The following VIPR2 variants were observed in gnomAD, a reference collection of about 807,000 sequenced individuals.
VIPR2 encodes the protein vasoactive intestinal polypeptide receptor 2.
In VIPR2, 48 loss-of-function variants were observed where a neutral mutation model predicts 58.0. The ratio of observed to expected loss-of-function variants is 0.83; its 90% CI spans 0.66 to 1.05. VIPR2 has a LOEUF of 1.05. Among genes scored for constraint, VIPR2 ranks in the 50% least tolerant of loss-of-function variants. VIPR2 has a pLI of 0.00. For missense variants in VIPR2, 534 were observed against 558.0 expected (o/e 0.96, Z 0.43); for synonymous variants, 243 against 235.2 (o/e 1.03, Z -0.30).
rs562899391 is a variant in VIPR2, at chr7:159,098,280, T to C, written c.357+5477A>G. Among the ~76,000 whole-genome samples the C allele has an allele frequency of 6.6e-6, 1 of 152,130 alleles. No individual in the cohort carries two copies. The highest frequency in any genetic ancestry group is 2.4e-5 in the African/African-American group (1 of 41,440). ...ACTTGGTGATCCCGAGCCCTCAGTC[T>C]GCTGGTGGTGGTGCTCGAGAACTGT... is the stretch of plus-strand genomic sequence containing the variant. On this transcript the variant is annotated intron_variant, in intron 4 of 12. Coordinates refer to ENST00000262178, the MANE Select transcript of VIPR2 (RefSeq NM_003382.5). The surrounding 1 kb of genome is among the most constrained non-coding windows in gnomAD (Gnocchi z 5.2).
chr7:159,038,067 TACTTATATATATGGGTGGATAC>T, intron 6 of VIPR2, among the ~76,000 whole-genome samples: 1 of 152,186 alleles, frequency 6.6e-6, no homozygotes, highest in Non-Finnish European at 1.5e-5. Context: ...TGGGTGGGTA[TACTTATATATATGGGTGGATAC>T]ACTTATATAT....
intron 4 of VIPR2, among the ~76,000 whole-genome samples, chr7:159,076,901 C>G (rs1268440464): frequency 6.6e-6 from 1 of 152,148 alleles, no homozygotes; most frequent in Non-Finnish European, 1.5e-5. Context: ...TAAGTTATCT[C>G]CATTTTACAA....
intron 2 of VIPR2, among the ~76,000 whole-genome samples, chr7:159,138,799 C>T (rs911646133): frequency 3.9e-5 from 6 of 152,174 alleles, no homozygotes; most frequent in Non-Finnish European, 1.5e-5. Context: ...AGACATTTCC[C>T]ATTATATACA....
intron 4 of VIPR2, among the ~76,000 whole-genome samples, chr7:159,078,055 C>T (rs936626783): frequency 3.9e-5 from 6 of 152,232 alleles, no homozygotes; most frequent in Non-Finnish European, 5.9e-5. Context: ...ACAGTTCATG[C>T]ATGGACAACA....
chr7:159,109,743 G>T, intron 3 of VIPR2, 69 bp downstream of exon 3: 1 of 1,433,384 alleles, frequency 7.0e-7, no homozygotes, highest in Non-Finnish European at 9.8e-7. Context: ...CTGCTTCTTG[G>T]ATGGAAAAAA....
intron 1 of VIPR2, chr7:159,144,481 G>C: frequency 1.9e-6 from 3 of 1,539,680 alleles, no homozygotes; most frequent in Non-Finnish European, 2.6e-6. Flanking sequence ...ACGGTGGGGC[G>C]CGGGGAAGGG....
chr7:159,110,415 A>T (rs1795952153), intron 2 of VIPR2, among the ~76,000 whole-genome samples: 10 of 152,260 alleles, frequency 6.6e-5, no homozygotes, highest in Admixed American at 5.9e-4. Flanking sequence ...TAATTTGCAT[A>T]ATGCATAGCT....
At chr7:159,055,046 T>A (rs1397478326) in intron 5 of VIPR2, among the ~76,000 whole-genome samples, 1 of 152,246 alleles carries the variant, frequency 6.6e-6, no homozygotes, top group African/African-American at 2.4e-5. Context: ...CATTATTTGC[T>A]ATGCCTCAAA....
chr7:159,061,982 C>T (rs969378511), intron 4 of VIPR2, among the ~76,000 whole-genome samples: 3 of 152,192 alleles, frequency 2.0e-5, no homozygotes, highest in Non-Finnish European at 4.4e-5. Context: ...AGCCTGAAGC[C>T]TCTAGAGGAG....
At chr7:159,108,601 G>A (rs1795864877) in intron 3 of VIPR2, among the ~76,000 whole-genome samples, 2 of 152,180 alleles carry the variant, frequency 1.3e-5, no homozygotes, top group South Asian at 4.1e-4. Flanking sequence ...ATGCTTCCAG[G>A]CAGGGCCAGA....
chr7:159,114,017 T>C (rs1198963347), intron 2 of VIPR2, among the ~76,000 whole-genome samples: 2 of 152,180 alleles, frequency 1.3e-5, no homozygotes, highest in Non-Finnish European at 2.9e-5. Flanking sequence ...CATTTGCCTT[T>C]TACAATTTTA....
At chr7:159,133,640 T>C (rs1163875279) in intron 2 of VIPR2, among the ~76,000 whole-genome samples, 2 of 152,252 alleles carry the variant, frequency 1.3e-5, no homozygotes, top group Non-Finnish European at 2.9e-5. Context: ...CAGGAATCTC[T>C]GCTTCTGTCT....
At chr7:159,053,550 GT>G (rs567389310) in intron 5 of VIPR2, among the ~76,000 whole-genome samples, 2 of 151,702 alleles carry the variant, frequency 1.3e-5, no homozygotes, top group East Asian at 2.0e-4. Context: ...TGTTTTTTTT[GT>G]TTTTTTGAGA....
rs997049075 is a variant in VIPR2, at chr7:159,144,709, G to C, written c.51+12C>G. On this transcript the variant is annotated intron_variant, in intron 1 of 12. Coordinates refer to ENST00000262178, the MANE Select transcript of VIPR2 (RefSeq NM_003382.5). ...CGAGGCGCCGTGGGGCGGGGGTCGC[G>C]GGCGCACTCACGGGGGCGAGCAGCC... 1.5e-6 allele frequency: 2 copies of C among 1,328,372 alleles called. No homozygotes were observed. Among genetic ancestry groups the C allele is most frequent in the Admixed American group, 4.0e-5 (1 of 25,082 alleles). 82.3% of individuals were successfully genotyped at this position (1,328,372 alleles called of 1,614,324 possible).
At chr7:159,063,444 A>G (rs2129494240) in intron 4 of VIPR2, among the ~76,000 whole-genome samples, 1 of 151,978 alleles carries the variant, frequency 6.6e-6, no homozygotes, top group African/African-American at 2.4e-5. Flanking sequence ...TGCGGGGCCT[A>G]CCGAGCCCAC....
rs1033482906 is a variant in VIPR2 at position 159,093,718 on chromosome 7, G to A, written c.357+10039C>T. Among the ~76,000 whole-genome samples, 1 of 113,362 alleles carries A rather than the reference G, an allele frequency of 8.8e-6. No individual in the cohort carries two copies. The highest frequency in any genetic ancestry group is 2.1e-5 in the Non-Finnish European group (1 of 46,788). The allele number at this position is 113,362 out of a possible 152,430, so 74.4% of individuals were successfully genotyped here. A position where few individuals can be genotyped will look rare whatever the true frequency, so the allele number is the denominator to read the frequency against. Reference sequence around the variant, plus strand: ...GATGGGAGACCCCGCAGCGTCCCTGGGTCCGGACATGGGAGACCCCGCAGC... The same window carrying A: ...GATGGGAGACCCCGCAGCGTCCCTGAGTCCGGACATGGGAGACCCCGCAGC... On this transcript the variant is annotated intron_variant, in intron 4 of 12. Coordinates refer to ENST00000262178, the MANE Select transcript of VIPR2 (RefSeq NM_003382.5). The surrounding 1 kb of genome is among the most constrained non-coding windows in gnomAD (Gnocchi z 6.7).
Position 159,099,520 on chromosome 7 carries a change from T to C in VIPR2, c.357+4237A>G, listed in dbSNP as rs1174109934. On this transcript the variant is annotated intron_variant, in intron 4 of 12. Coordinates refer to ENST00000262178, the MANE Select transcript of VIPR2 (RefSeq NM_003382.5). This position sits in a 1 kb window ranked among gnomAD's most constrained non-coding sequence, Gnocchi z 4.2. ...CCTCCCAGATCCACATCACTCTTTA[T>C]AACCCAGGCTGGGGCTCAGAAAGGA... Among the ~76,000 whole-genome samples the C allele has an allele frequency of 6.6e-6, 1 of 152,154 alleles. No homozygotes were observed. Among genetic ancestry groups the C allele is most frequent in the Non-Finnish European group, 1.5e-5 (1 of 68,020 alleles).
chr7:159,093,869 G>A lies in VIPR2; in HGVS notation c.357+9888C>T, dbSNP rs189823599. Among the ~76,000 whole-genome samples the A allele has an allele frequency of 6.3e-4, 96 of 152,286 alleles. No homozygotes were observed. Among genetic ancestry groups the A allele is most frequent in the Middle Eastern group, 3.4e-3 (1 of 294 alleles). On this transcript the variant is annotated intron_variant, in intron 4 of 12. Transcript: ENST00000262178. The surrounding 1 kb of genome is among the most constrained non-coding windows in gnomAD (Gnocchi z 6.7). Reference sequence around the variant, plus strand: ...AGTGTCCCTGAGTCTCCTGGACAGCGGCCACCCCATGCCCAGTGCTGACGG... The same window carrying A: ...AGTGTCCCTGAGTCTCCTGGACAGCAGCCACCCCATGCCCAGTGCTGACGG...
At chr7:159,037,827 T>C (rs1400139677) in intron 6 of VIPR2, among the ~76,000 whole-genome samples, 1 of 151,786 alleles carries the variant, frequency 6.6e-6, no homozygotes, top group East Asian at 1.9e-4. Flanking sequence ...TGAAAAAGAA[T>C]AGTATTTTCA....
Sources: allele counts gnomAD v4.1 joint callset (sites outside exome capture counted in the v4.1 genomes callset), GRCh38; gene constraint gnomAD v4.1.1; non-coding constraint Gnocchi (gnomAD v3.1); transcripts MANE v1.5; gene names NCBI Gene and HGNC (gene_info 2026-07-23, HGNC 2026-07-21).